Variants in RRBP1 observed in about 807,000 individuals in gnomAD.
RRBP1 encodes the protein ribosome binding protein 1, also known as ribosome-binding protein 1.
Under a neutral mutation model 165.2 loss-of-function variants are expected in RRBP1, and 94 were observed. The observed-to-expected ratio is 0.57, with a 90% CI of 0.48 to 0.68. RRBP1 has a LOEUF of 0.68. Ranked by LOEUF, RRBP1 falls within the 30% of genes least tolerant of loss-of-function variation. The pLI, the probability that RRBP1 is intolerant of heterozygous loss-of-function variation, is 0.00. For missense variants in RRBP1, 1,676 were observed against 1,763.0 expected, an observed-to-expected ratio of 0.95 and a Z score of 0.88; for synonymous variants, 680 against 714.5, an observed-to-expected ratio of 0.95 and a Z score of 0.77.
chr20:17,641,680 C>A (rs2036361350), intron 5 of RRBP1, 117 bp downstream of exon 5: 1 of 1,273,644 alleles, frequency 7.9e-7, no homozygotes. Context: ...AGCCTGACAG[C>A]CAGCTACGTT....
chr20:17,620,490 G>T, intron 17 of RRBP1, 120 bp from the exon 18 acceptor site: 2 of 957,758 alleles, frequency 2.1e-6, no homozygotes, highest in East Asian at 2.4e-5. Context: ...TGCCCACTCC[G>T]CCCAGCTGGG....
chr20:17,645,413 G>A (rs751299602), intron 3 of RRBP1, among the ~76,000 whole-genome samples: 5 of 152,176 alleles, frequency 3.3e-5, no homozygotes, highest in African/African-American at 9.7e-5. Context: ...GCAAAGCTGC[G>A]TACAGCAAAA....
At position 17,660,076 on chromosome 20, in the gene RRBP1, T is replaced by C. The variant is rs748656206; in HGVS notation, c.432A>G (p.Lys144=). Residue 144 remains lysine (K), a synonymous_variant, in exon 3 of 25, where the codon AAA becomes AAG. Transcript: ENST00000377813. ...CAGCTGGTTCCACTTTTGCCACTTT[T>C]TTCTCCTTCTTCTTTTTGTCCTTGG... ...SSPKDKKKKE[K]KVAKVEPAVS... 34 of 1,613,960 alleles carry C rather than the reference T, an allele frequency of 2.1e-5. No individual in the cohort carries two copies. The highest frequency in any genetic ancestry group is 1.6e-4 in the Middle Eastern group (1 of 6,084).
chr20:17,660,484 G>C lies in RRBP1; in HGVS notation c.24C>G (p.Thr8=), dbSNP rs772153820. The C allele has an allele frequency of 6.8e-6, 11 of 1,613,606 alleles. No homozygotes were observed. The East Asian group carries it at 2.5e-4, about 36-fold the overall frequency. Residue 8 remains threonine (T), a synonymous_variant, in exon 3 of 25, where the codon ACC becomes ACG. Transcript: ENST00000377813. ...ATCCTCCAAAGACCACAACCCCCAA[G>C]GTTTGAGTGTCGTAAATATCCATCC... MDIYDTQ[T]LGVVVFGGFM... is the part of the protein sequence containing the mutation.
Position 17,660,339 on chromosome 20 carries a change from C to G in RRBP1, c.169G>C (p.Val57Leu), listed in dbSNP as rs1162726077. 6.2e-7 allele frequency: 1 copy of G among 1,613,658 alleles called. No individual in the cohort carries two copies. Among genetic ancestry groups the G allele is most frequent in the South Asian group, 1.1e-5 (1 of 90,998 alleles). Residue 57 changes from valine (V) to leucine (L), a missense_variant, in exon 3 of 25, where the codon GTC becomes CTC. This residue lies in a region of RRBP1 where 392 missense variants were observed against 382.5 expected (regional missense o/e 1.02). Coordinates refer to ENST00000377813, the MANE Select transcript of RRBP1 (RefSeq NM_001365613.2). ...GTTTTCTCCTTCTTTTTCTTCTCGA[C>G]TTTCTGGTGGTGAGTTTTCGCCATC... ...KEMAKTHHQK[V>L]EKKKKEKTVE... is the part of the protein sequence containing the mutation.
At position 17,627,389 on chromosome 20, in the gene RRBP1, T is replaced by A. The variant is rs56242973; in HGVS notation, c.2929-7A>T. 6.2e-7 allele frequency: 1 copy of A among 1,613,884 alleles called. No homozygotes were observed. The highest frequency in any genetic ancestry group is 1.7e-5 in the Admixed American group (1 of 59,980). On this transcript the variant is annotated splice_polypyrimidine_tract_variant and splice_region_variant and intron_variant, in intron 10 of 24. Transcript: ENST00000377813. The stretch of plus-strand genomic sequence containing the variant: ...CAGCCTCCGCCTGGCTGGCCTGGAA[T>A]GAGAGACAAAAGCTCCTTGGTCTCC...
intron 3 of RRBP1, among the ~76,000 whole-genome samples, chr20:17,653,117 G>T (rs1356323060): frequency 1.3e-5 from 2 of 152,254 alleles, no homozygotes; most frequent in Admixed American, 6.5e-5. Flanking sequence ...AGCATCCAGA[G>T]AGCGCCACCG....
At chr20:17,630,973 C>T (rs549647054) in intron 8 of RRBP1, among the ~76,000 whole-genome samples, 9 of 152,326 alleles carry the variant, frequency 5.9e-5, no homozygotes, top group Admixed American at 1.3e-4. Context: ...CGGGCAGAGG[C>T]GTGGCTGGAG....
chr20:17,680,319 C>T (rs2037157591), intron 1 of RRBP1, among the ~76,000 whole-genome samples: 1 of 152,184 alleles, frequency 6.6e-6, no homozygotes, highest in Non-Finnish European at 1.5e-5. Flanking sequence ...GCCAGACAGA[C>T]GTCCTGGGTC....
chr20:17,628,948 A>G (rs1487261838), intron 9 of RRBP1, among the ~76,000 whole-genome samples: 1 of 152,144 alleles, frequency 6.6e-6, no homozygotes, highest in Non-Finnish European at 1.5e-5. Flanking sequence ...CAGTTGTGAC[A>G]GAGACTGGCC....
In RRBP1 at chr20:17,633,134, C is replaced by T. The variant is rs370381706; in HGVS notation, c.2610+326G>A. Among the ~76,000 whole-genome samples, 46 of 152,348 alleles carry T rather than the reference C, an allele frequency of 3.0e-4. No homozygotes were observed. In the South Asian group the frequency reaches 9.1e-3, roughly 30 times the overall value. ...AGGTAGTTGCTGAACTTCTCTGCAC[C>T]TCAAACTCCCTTATGGGTAAAAATG... is the stretch of plus-strand genomic sequence containing the variant. On this transcript the variant is annotated intron_variant, in intron 8 of 24. Coordinates refer to ENST00000377813, the MANE Select transcript of RRBP1 (RefSeq NM_001365613.2).
At chr20:17,617,737 G>A (rs1016500654) in intron 20 of RRBP1, among the ~76,000 whole-genome samples, 2 of 152,246 alleles carry the variant, frequency 1.3e-5, no homozygotes, top group Admixed American at 6.5e-5. Context: ...GACCAAGGGG[G>A]ACCGAGGGTG....
chr20:17,667,096 T>C (rs914458526), intron 2 of RRBP1, among the ~76,000 whole-genome samples: 1 of 152,234 alleles, frequency 6.6e-6, no homozygotes, highest in South Asian at 2.1e-4. Flanking sequence ...CTGATCTTGG[T>C]ATTAGGGTCT....
rs199917212 is a variant in RRBP1 at position 17,658,783 on chromosome 20, A to G, written c.1725T>C (p.Ser575=). 1.9e-6 allele frequency: 3 copies of G among 1,613,630 alleles called. No individual in the cohort carries two copies. Among genetic ancestry groups the G allele is most frequent in the South Asian group, 1.1e-5 (1 of 91,058 alleles). The change falls in exon 3 of 25, where the codon AGT becomes AGC. Residue 575 remains serine, a synonymous_variant. Transcript: ENST00000377813. Reference sequence around the variant, plus strand: ...GGGACCCTTCTGCCTTTTTGCCTTCACTGGGGGACCCTTCTGCTTTTTTCC... The same window carrying G: ...GGGACCCTTCTGCCTTTTTGCCTTCGCTGGGGGACCCTTCTGCTTTTTTCC... ...NQGKKAEGSP[S]EGKKAEGSPN... is the part of the protein sequence containing the mutation.
At chr20:17,621,176 C>T (rs1007772636) in intron 16 of RRBP1, among the ~76,000 whole-genome samples, 1 of 152,206 alleles carries the variant, frequency 6.6e-6, no homozygotes, top group East Asian at 1.9e-4. Context: ...TAGTCACAAA[C>T]GGGGTTCAAC....
At position 17,659,987 on chromosome 20, in the gene RRBP1, G is replaced by C; in HGVS notation, c.521C>G (p.Pro174Arg). ...TSKAAILETA[P>R]KEVPMVVVPP... Reference sequence around the variant, plus strand: ...CACCACCACCATCGGCACCTCCTTGGGAGCAGTTTCCAAGATGGCAGCCTT... The same window carrying C: ...CACCACCACCATCGGCACCTCCTTGCGAGCAGTTTCCAAGATGGCAGCCTT... Residue 174 changes from proline to arginine, a missense_variant, in exon 3 of 25, where the codon CCC (proline) becomes CGC (arginine). By Grantham distance (103) the Pro-to-Arg change is moderately radical. Coordinates refer to ENST00000377813, the MANE Select transcript of RRBP1 (RefSeq NM_001365613.2). 1 of 1,610,372 alleles carries C rather than the reference G, an allele frequency of 6.2e-7. No homozygotes were observed. Among genetic ancestry groups the C allele is most frequent in the South Asian group, 1.1e-5 (1 of 90,250 alleles).
chr20:17,666,420 T>C (rs1463494968), intron 2 of RRBP1, among the ~76,000 whole-genome samples: 1 of 152,222 alleles, frequency 6.6e-6, no homozygotes, highest in Non-Finnish European at 1.5e-5. Flanking sequence ...CACGTTGTTT[T>C]GTTGATGGTT....
intron 1 of RRBP1, among the ~76,000 whole-genome samples, chr20:17,681,783 C>G (rs922445253): frequency 1.3e-5 from 2 of 150,690 alleles, no homozygotes; most frequent in African/African-American, 4.8e-5. Flanking sequence ...CGGCGAGGGC[C>G]GCGGGGTCCA....
chr20:17,619,636 T>C lies in RRBP1; in HGVS notation c.3672A>G (p.Ala1224=). Reference sequence around the variant, plus strand: ...ACTCCTTGGGGGGCAGACTCACCCCTGCCACCTCCTTGGCGTAGTTCTGGC... The same window carrying C: ...ACTCCTTGGGGGGCAGACTCACCCCCGCCACCTCCTTGGCGTAGTTCTGGC... ...AECQNYAKEV[A]GLRQLLLESQ... Residue 1224 remains alanine, a synonymous_variant, in exon 19 of 25, where the codon GCA becomes GCG. Transcript: ENST00000377813. 6.2e-7 allele frequency: 1 copy of C among 1,610,588 alleles called. No homozygotes were observed. Among genetic ancestry groups the C allele is most frequent in the African/African-American group, 1.3e-5 (1 of 75,026 alleles).
Sources: gnomAD v4.1 joint callset for allele counts (sites outside exome capture counted in the v4.1 genomes callset) on GRCh38, gnomAD v4.1.1 for gene constraint, gnomAD v4.1.1 regional missense constraint, MANE v1.5 for transcripts, NCBI Gene and HGNC (gene_info 2026-07-23, HGNC 2026-07-21) for gene names.